Variants in CACNA2D1 observed in about 807,000 individuals in gnomAD.
CACNA2D1 encodes the protein calcium voltage-gated channel auxiliary subunit alpha2delta 1, also known as voltage-dependent calcium channel subunit alpha-2/delta-1.
Under a neutral mutation model 171.5 loss-of-function variants are expected in CACNA2D1, and 53 were observed. The ratio of observed to expected loss-of-function variants is 0.31; its 90% CI spans 0.25 to 0.39. The LOEUF is 0.39. Ranked by LOEUF, CACNA2D1 falls within the 10% of genes least tolerant of loss-of-function variation. The probability of loss-of-function intolerance (pLI) is 1.00; values close to 1 mark genes in which losing one functional copy is unlikely to be tolerated. For missense variants in CACNA2D1, 903 were observed against 1,299.8 expected, an observed-to-expected ratio of 0.69 and a Z score of 4.69; for synonymous variants, 442 against 443.1, an observed-to-expected ratio of 1.00 and a Z score of 0.03.
At chr7:82,128,361 T>G (rs2129065986) in intron 5 of CACNA2D1, among the ~76,000 whole-genome samples, 1 of 152,362 alleles carries the variant, frequency 6.6e-6, no homozygotes, top group Middle Eastern at 3.4e-3. Flanking sequence ...TAAACCTGGC[T>G]GTATTTATTT....
rs955528334 is a variant in CACNA2D1 at position 81,947,734 on chromosome 7, C to G, written c.*2658G>C. ...AACAGGCTATAATTTAAGTTCTTGT[C>G]AATGTAACTCAGAAAAATACTAAAT... On this transcript the variant is annotated 3_prime_UTR_variant, in exon 39 of 39. Transcript: ENST00000356860. 5.3e-5 allele frequency: 8 copies of G among 151,874 alleles called. No homozygotes were observed. The highest frequency in any genetic ancestry group is 2.6e-4 in the Admixed American group (4 of 15,246). The allele number at this position is 151,874 out of a possible 1,614,324, so 9.4% of individuals were successfully genotyped here. A position where few individuals can be genotyped will look rare whatever the true frequency, so the allele number is the denominator to read the frequency against.
intron 3 of CACNA2D1, among the ~76,000 whole-genome samples, chr7:82,198,494 T>C (rs545800845): frequency 6.6e-6 from 1 of 152,190 alleles, no homozygotes; most frequent in South Asian, 2.1e-4. Flanking sequence ...AACATCGTGA[T>C]ACCATGCTGG....
At chr7:81,951,738 T>C (rs1188955090) in intron 38 of CACNA2D1, among the ~76,000 whole-genome samples, 1 of 152,066 alleles carries the variant, frequency 6.6e-6, no homozygotes, top group Admixed American at 6.6e-5. Context: ...TAATCATTGG[T>C]TGATGGACAT....
intron 4 of CACNA2D1, among the ~76,000 whole-genome samples, chr7:82,167,262 G>A (rs1584979432): frequency 6.6e-6 from 1 of 151,970 alleles, no homozygotes; most frequent in Middle Eastern, 3.2e-3. Context: ...ATTTTTAAAT[G>A]TTTGGTTAAA....
intron 7 of CACNA2D1, among the ~76,000 whole-genome samples, chr7:82,069,700 T>C (rs1808084257): frequency 1.1e-5 from 1 of 91,520 alleles, no homozygotes; most frequent in Non-Finnish European, 2.1e-5. Flanking sequence ...CTAAAAATAA[T>C]AGCGAAGTAC....
At chr7:81,967,056 AT>A (rs1794774238) in intron 31 of CACNA2D1, 112 bp downstream of exon 31, 4 of 716,628 alleles carry the variant, frequency 5.6e-6, no homozygotes, top group South Asian at 3.5e-5. Context: ...TTTCCATAGA[AT>A]TTTTTAGCCT....
chr7:82,007,430 A>C (rs759578122), intron 16 of CACNA2D1, among the ~76,000 whole-genome samples: 1 of 151,984 alleles, frequency 6.6e-6, no homozygotes, highest in African/African-American at 2.4e-5. Context: ...CCAGAGTCTG[A>C]CTCTGTGTTC....
At chr7:81,969,606 A>G (rs1343875916) in intron 28 of CACNA2D1, among the ~76,000 whole-genome samples, 4 of 151,322 alleles carry the variant, frequency 2.6e-5, no homozygotes, top group South Asian at 4.1e-4. Flanking sequence ...TTGTAATATG[A>G]GGGATTATCT....
At position 82,078,822 on chromosome 7, in the gene CACNA2D1, T is replaced by C. The variant is rs138883923; in HGVS notation, c.658+5947A>G. 2.4e-4 allele frequency among the ~76,000 whole-genome samples: 36 copies of C among 152,190 alleles called. No individual in the cohort carries two copies. In the East Asian group the frequency reaches 6.4e-3, roughly 27 times the overall value. ...ACAAAGTGACGGTGATGACAGCTTT[T>C]ATAAGAACCTAGAACTCCTCATAGT... On this transcript the variant is annotated intron_variant, in intron 7 of 38. Transcript: ENST00000356860.
At chr7:82,090,336 ATAACTC>A (rs1287360635) in intron 6 of CACNA2D1, among the ~76,000 whole-genome samples, 1 of 152,134 alleles carries the variant, frequency 6.6e-6, no homozygotes, top group Non-Finnish European at 1.5e-5. Flanking sequence ...AAAATATAAA[ATAACTC>A]TAATAAGTCT....
chr7:82,090,044 A>C (rs1810960985), intron 6 of CACNA2D1, among the ~76,000 whole-genome samples: 1 of 152,178 alleles, frequency 6.6e-6, no homozygotes, highest in South Asian at 2.1e-4. Context: ...ATGTTTTGAT[A>C]CACCTGTATG....
chr7:82,194,613 T>A (rs1004436180), intron 3 of CACNA2D1, among the ~76,000 whole-genome samples: 54 of 151,936 alleles, frequency 3.6e-4, no homozygotes, highest in Non-Finnish European at 7.2e-4. Context: ...CAATACTCTA[T>A]CATGTTTTCA....
chr7:81,976,138 G>A (rs1245724635), intron 24 of CACNA2D1, among the ~76,000 whole-genome samples: 1 of 151,996 alleles, frequency 6.6e-6, no homozygotes, highest in Non-Finnish European at 1.5e-5. Context: ...TGCACTCAAG[G>A]GGAAAACTTC....
intron 1 of CACNA2D1, among the ~76,000 whole-genome samples, chr7:82,407,330 T>C (rs1168411516): frequency 1.3e-5 from 2 of 152,248 alleles, no homozygotes; most frequent in African/African-American, 4.8e-5. Flanking sequence ...TATCACTAAA[T>C]AAGCAAAGTA....
intron 24 of CACNA2D1, among the ~76,000 whole-genome samples, chr7:81,976,016 C>T (rs979432315): frequency 6.6e-6 from 1 of 151,586 alleles, no homozygotes; most frequent in Admixed American, 6.6e-5. Context: ...GCAGAAAGCA[C>T]CTTGTTCACT....
chr7:82,277,725 T>C (rs1396833900), intron 3 of CACNA2D1, among the ~76,000 whole-genome samples: 2 of 149,220 alleles, frequency 1.3e-5, no homozygotes, highest in South Asian at 2.1e-4. Flanking sequence ...AAAATGCATA[T>C]TTGATTTTTT....
At chr7:82,072,229 A>C (rs1808400200) in intron 7 of CACNA2D1, among the ~76,000 whole-genome samples, 1 of 152,096 alleles carries the variant, frequency 6.6e-6, no homozygotes, top group Non-Finnish European at 1.5e-5. Flanking sequence ...GTACAATTGG[A>C]ATGTTCATAA....
At chr7:82,293,236 A>T (rs1009139302) in intron 3 of CACNA2D1, among the ~76,000 whole-genome samples, 2 of 150,934 alleles carry the variant, frequency 1.3e-5, no homozygotes, top group African/African-American at 4.9e-5. Context: ...TCATTTTTTG[A>T]AGTTTTCTTC....
In CACNA2D1 at chr7:82,244,649, A is replaced by T. The variant is rs1243563931; in HGVS notation, c.295-74040T>A. Among the ~76,000 whole-genome samples the T allele has an allele frequency of 2.6e-5, 4 of 152,160 alleles. No individual in the cohort carries two copies. In the East Asian group the frequency reaches 5.8e-4, roughly 22 times the overall value. Reference sequence around the variant, plus strand: ...GCAAGGGGAAAAAAAGCAAGCAAAAAAACAAAAAAAGCACAGAATGGTTAT... The same window carrying T: ...GCAAGGGGAAAAAAAGCAAGCAAAATAACAAAAAAAGCACAGAATGGTTAT... On this transcript the variant is annotated intron_variant, in intron 3 of 38. Coordinates refer to ENST00000356860, the MANE Select transcript of CACNA2D1 (RefSeq NM_000722.4).
Sources: gnomAD v4.1 joint callset for allele counts (sites outside exome capture counted in the v4.1 genomes callset) on GRCh38, gnomAD v4.1.1 for gene constraint, MANE v1.5 for transcripts, NCBI Gene and HGNC (gene_info 2026-07-23, HGNC 2026-07-21) for gene names.